Variants in TBL1X observed in about 807,000 individuals in gnomAD.
The protein encoded by TBL1X is transducin beta like 1 X-linked.
In TBL1X, 10 loss-of-function variants were observed where a neutral mutation model predicts 50.7. The observed-to-expected ratio is 0.20, with a 90% CI of 0.12 to 0.33. The LOEUF (loss-of-function observed/expected upper bound fraction) is 0.33. Among genes scored for constraint, TBL1X ranks in the 10% least tolerant of loss-of-function variants. The pLI, the probability that TBL1X is intolerant of heterozygous loss-of-function variation, is 1.00. For synonymous variants in TBL1X, 190 were observed against 214.7 expected, an observed-to-expected ratio of 0.88 and a Z score of 1.01; for missense variants, 340 against 504.4, an observed-to-expected ratio of 0.67 and a Z score of 3.12.
chrX:9,570,782 A>C (rs1371995419), intron 2 of TBL1X, among the ~76,000 whole-genome samples: 1 of 100,186 alleles, frequency 1.0e-5, no homozygotes, highest in Non-Finnish European at 2.0e-5. Context: ...GGTTCACACC[A>C]TTCTCCTGCC....
intron 5 of TBL1X, among the ~76,000 whole-genome samples, chrX:9,675,453 G>A (rs920611315): frequency 1.8e-5 from 2 of 111,626 alleles, no homozygotes; most frequent in South Asian, 7.5e-4. Flanking sequence ...AGGATGACCT[G>A]CCTGCTTGGT....
At chrX:9,705,230 C>G in intron 13 of TBL1X, 116 bp downstream of exon 13, 3 of 1,127,175 alleles carry the variant, frequency 2.7e-6, no homozygotes, top group Non-Finnish European at 3.6e-6. Context: ...TAATGTGCCC[C>G]TTGGCTATTT....
chrX:9,472,290 A>T, intron 1 of TBL1X, among the ~76,000 whole-genome samples: 1 of 110,149 alleles, frequency 9.1e-6, no homozygotes, highest in Non-Finnish European at 1.9e-5. Flanking sequence ...TTATTTATGT[A>T]TTTTTAGAGA....
At chrX:9,634,847 T>C (rs2082738076) in intron 2 of TBL1X, among the ~76,000 whole-genome samples, 1 of 111,547 alleles carries the variant, frequency 9.0e-6, no homozygotes, top group South Asian at 3.8e-4. Flanking sequence ...TTGGTTCTCA[T>C]TTTTCCTGGC....
At chrX:9,702,110 G>T (rs929756032) in intron 12 of TBL1X, among the ~76,000 whole-genome samples, 1 of 111,270 alleles carries the variant, frequency 9.0e-6, no homozygotes, top group Non-Finnish European at 1.9e-5. Flanking sequence ...GAGAAAGCTG[G>T]ATTCTTCTCA....
chrX:9,493,760 A>C, intron 1 of TBL1X, among the ~76,000 whole-genome samples: 1 of 111,012 alleles, frequency 9.0e-6, no homozygotes. Context: ...CTGGAGTGAG[A>C]TCTTGTCTCA....
chrX:9,713,226 G>A lies in TBL1X; in HGVS notation c.1605+1450G>A, dbSNP rs185769981. ...GCCCCACAGCCCTAGATAGCTCTCC[G>A]GGAAGCACGCATCTCAGCACTAGTG... On this transcript the variant is annotated intron_variant, in intron 16 of 17. Transcript: ENST00000645353. 2.4e-3 allele frequency among the ~76,000 whole-genome samples: 261 copies of A among 110,853 alleles called. 2 individuals carry two copies. Among genetic ancestry groups the A allele is most frequent in the Middle Eastern group, 0.014 (3 of 212 alleles).
intron 3 of TBL1X, among the ~76,000 whole-genome samples, chrX:9,641,016 A>G (rs989840577): frequency 9.0e-6 from 1 of 111,573 alleles, no homozygotes; most frequent in African/African-American, 3.3e-5. Context: ...TCTAAAATCA[A>G]CCTCTCTTGT....
chrX:9,540,528 A>G (rs913612432), intron 2 of TBL1X, among the ~76,000 whole-genome samples: 2 of 112,754 alleles, frequency 1.8e-5, no homozygotes, highest in Non-Finnish European at 3.7e-5. Flanking sequence ...CCATTTCACA[A>G]GGGAAGTTAA....
intron 2 of TBL1X, among the ~76,000 whole-genome samples, chrX:9,572,759 C>G (rs1256855691): frequency 3.6e-5 from 4 of 112,549 alleles, no homozygotes; most frequent in African/African-American, 1.3e-4. Context: ...GATGGATCTA[C>G]TCATTTATTC....
chrX:9,521,283 A>G (rs1416033520), intron 2 of TBL1X, among the ~76,000 whole-genome samples: 1 of 111,326 alleles, frequency 9.0e-6, no homozygotes, highest in African/African-American at 3.3e-5. Context: ...AGTTTTGCCT[A>G]GAGATGACTA....
chrX:9,468,098 G>A (rs73186360), intron 1 of TBL1X, among the ~76,000 whole-genome samples: 2 of 112,372 alleles, frequency 1.8e-5, no homozygotes, highest in Non-Finnish European at 3.8e-5. Flanking sequence ...CAAATTTAAA[G>A]TTAAGATGGA....
At chrX:9,520,208 A>G (rs16985570) in intron 2 of TBL1X, among the ~76,000 whole-genome samples, 7,826 of 111,963 alleles carry the variant, frequency 0.07, 256 homozygotes, top group African/African-American at 0.12. Context: ...GGAAAACCCA[A>G]AGGAGGCAAA....
intron 2 of TBL1X, among the ~76,000 whole-genome samples, chrX:9,532,287 G>A (rs1369250393): frequency 3.6e-5 from 4 of 112,028 alleles, no homozygotes; most frequent in South Asian, 3.7e-4. Context: ...ACATCTGAGC[G>A]TTAACTGATT....
rs191022756 is a variant in TBL1X at position 9,543,306 on chromosome X, C to T, written c.-131+41457C>T. 1.4e-3 allele frequency among the ~76,000 whole-genome samples: 156 copies of T among 111,858 alleles called. 1 individual carries two copies. Among genetic ancestry groups the T allele is most frequent in the Non-Finnish European group, 2.1e-3 (114 of 53,100 alleles). On this transcript the variant is annotated intron_variant, in intron 2 of 17. Transcript: ENST00000645353. ...CTAGGGGAAGGAACGGGAAATCATC[C>T]GGCCAGGAATCTCTGTGGGGTGGTC...
intron 2 of TBL1X, among the ~76,000 whole-genome samples, chrX:9,577,812 G>C (rs2082420124): frequency 8.9e-6 from 1 of 112,445 alleles, no homozygotes; most frequent in Non-Finnish European, 1.9e-5. Flanking sequence ...CCAAGTGTCT[G>C]AGTCCATGGA....
chrX:9,470,549 T>C (rs964492229), intron 1 of TBL1X, among the ~76,000 whole-genome samples: 1 of 112,601 alleles, frequency 8.9e-6, no homozygotes, highest in African/African-American at 3.2e-5. Flanking sequence ...GCCAGCACGC[T>C]CGGCCTATTT....
chrX:9,666,095 T>C (rs1289943717), intron 5 of TBL1X, among the ~76,000 whole-genome samples: 1 of 111,705 alleles, frequency 9.0e-6, no homozygotes. Context: ...GAATGCAGGG[T>C]AAAAGCATTG....
At chrX:9,492,750 C>T (rs902833751) in intron 1 of TBL1X, among the ~76,000 whole-genome samples, 11 of 108,830 alleles carry the variant, frequency 1.0e-4, no homozygotes, top group Admixed American at 7.9e-4. Context: ...TGTACCAAGA[C>T]GTTTTGTTGA....
Sources: allele counts gnomAD v4.1 joint callset (sites outside exome capture counted in the v4.1 genomes callset), GRCh38; gene constraint gnomAD v4.1.1; transcripts MANE v1.5; gene names NCBI Gene and HGNC (gene_info 2026-07-23, HGNC 2026-07-21).